The following SMCR8 variants were observed in gnomAD, a reference collection of about 807,000 sequenced individuals.
The protein encoded by SMCR8 is SMCR8-C9orf72 complex subunit, also known as guanine nucleotide exchange protein SMCR8.
In SMCR8, 30 loss-of-function variants were observed where a neutral mutation model predicts 56.6. The observed-to-expected ratio is 0.53, with a 90% CI of 0.40 to 0.72. The LOEUF is 0.72. SMCR8 is among the 30% of genes least tolerant of loss of function. The probability of loss-of-function intolerance (pLI) is 0.00; values close to 1 mark genes in which losing one functional copy is unlikely to be tolerated. For synonymous variants in SMCR8, 538 were observed against 456.0 expected (o/e 1.18, Z -2.29); for missense variants, 1,198 against 1,157.0 (o/e 1.04, Z -0.51).
Position 18,315,922 on chromosome 17 carries a change from T to C in SMCR8, c.133T>C (p.Trp45Arg). 6.2e-7 allele frequency: 1 copy of C among 1,614,210 alleles called. No homozygotes were observed. The part of the protein sequence containing the change: ...FPFASQGANP[W>R]SKLSGAKFSR... ...CTTCGCCAGTCAGGGTGCTAACCCC[T>C]GGTCAAAACTGTCCGGGGCCAAGTT... The change falls in exon 1 of 2, where the codon TGG becomes CGG. Residue 45 changes from tryptophan to arginine, a missense_variant. Trp to Arg is a moderately radical substitution (Grantham distance 101, BLOSUM62 -3). Coordinates refer to ENST00000406438, the MANE Select transcript of SMCR8 (RefSeq NM_144775.3).
rs1774448120 is a variant in SMCR8 at position 18,323,812 on chromosome 17, GT to G, written c.*743del. 1 of 152,642 alleles carries G rather than the reference GT, an allele frequency of 6.6e-6. No individual in the cohort carries two copies. Among genetic ancestry groups the G allele is most frequent in the African/African-American group, 2.4e-5 (1 of 41,484 alleles). 9.5% of individuals were successfully genotyped at this position (152,642 alleles called of 1,614,324 possible). A position where few individuals can be genotyped will look rare whatever the true frequency, so the allele number is the denominator to read the frequency against. On this transcript the variant is annotated 3_prime_UTR_variant, in exon 2 of 2. Coordinates refer to ENST00000406438, the MANE Select transcript of SMCR8 (RefSeq NM_144775.3). ...GAGCAGAGTGTTCACTAGTCCTAGTGTGAAGCGGGCACAAGTGACCAAAGCC... is the reference window on the plus strand; with the variant it reads ...GAGCAGAGTGTTCACTAGTCCTAGTGGAAGCGGGCACAAGTGACCAAAGCC...
rs1307597686 is a variant in SMCR8, at chr17:18,327,417, A to C, written c.*4347A>C. 6.6e-6 allele frequency: 1 copy of C among 152,238 alleles called. No individual in the cohort carries two copies. The highest frequency in any genetic ancestry group is 1.5e-5 in the Non-Finnish European group (1 of 68,058). The allele number at this position is 152,238 out of a possible 1,614,324, so 9.4% of individuals were successfully genotyped here. On this transcript the variant is annotated 3_prime_UTR_variant, in exon 2 of 2. Transcript: ENST00000406438. ...CCAGCTGGGGAGGGGTCAGGCCCCT[A>C]AATTGAAGACCACTTTGGTAGCAGA... is the stretch of plus-strand genomic sequence containing the variant.
Position 18,317,004 on chromosome 17 carries a change from A to G in SMCR8, c.1215A>G (p.Glu405=). 1 of 1,614,246 alleles carries G rather than the reference A, an allele frequency of 6.2e-7. No individual in the cohort carries two copies. The highest frequency in any genetic ancestry group is 8.5e-7 in the Non-Finnish European group (1 of 1,180,046). Residue 405 remains glutamate (E), a synonymous_variant, in exon 1 of 2, where the codon GAA becomes GAG. Coordinates refer to ENST00000406438, the MANE Select transcript of SMCR8 (RefSeq NM_144775.3). ...QDRPPSSSLE[E]CPIPKVLISV... is the part of the protein sequence containing the mutation. The stretch of plus-strand genomic sequence containing the variant: ...GGCCGCCTTCCAGTTCTCTAGAAGA[A>G]TGCCCAATTCCTAAAGTGTTAATTA...
intron 1 of SMCR8, 129 bp downstream of exon 1, chr17:18,318,278 G>A: frequency 1.1e-6 from 1 of 891,012 alleles, no homozygotes; most frequent in Non-Finnish European, 1.7e-6. Flanking sequence ...GTTACTTTTG[G>A]CAAGTCATCC....
In SMCR8 at chr17:18,323,787, G is replaced by A. The variant is rs16961153; in HGVS notation, c.*717G>A. On this transcript the variant is annotated 3_prime_UTR_variant, in exon 2 of 2. Transcript: ENST00000406438. ...CTCCCCATACTCTTTCACCAGGAAC[G>A]AGCAGAGTGTTCACTAGTCCTAGTG... is the stretch of plus-strand genomic sequence containing the variant. 0.22 allele frequency: 33,721 copies of A among 152,828 alleles called. 3,931 individuals are homozygous for A. Among genetic ancestry groups the A allele is most frequent in the East Asian group, 0.3 (1,570 of 5,184 alleles). The allele number at this position is 152,828 out of a possible 1,614,324, so 9.5% of individuals were successfully genotyped here. A position where few individuals can be genotyped will look rare whatever the true frequency, so the allele number is the denominator to read the frequency against.
intron 1 of SMCR8, among the ~76,000 whole-genome samples, chr17:18,320,353 A>G (rs1012547917): frequency 6.6e-5 from 10 of 152,216 alleles, no homozygotes; most frequent in Non-Finnish European, 1.3e-4. Flanking sequence ...TTATGGAAAC[A>G]GAAGTGGAGG....
rs1212856082 is a variant in SMCR8, at chr17:18,318,051, C to G, written c.2262C>G (p.Val754=). 2 of 1,614,122 alleles carry G rather than the reference C, an allele frequency of 1.2e-6. No homozygotes were observed. The highest frequency in any genetic ancestry group is 2.7e-5 in the African/African-American group (2 of 74,946). ...RKLVTALAIF[V]PSYGCYAKPV... is the part of the protein sequence containing the mutation. ...TCGTGACTGCACTGGCTATCTTTGTCCCCAGCTATGGCTGCTACGCTAAGC... is the reference window on the plus strand; with the variant it reads ...TCGTGACTGCACTGGCTATCTTTGTGCCCAGCTATGGCTGCTACGCTAAGC... Residue 754 remains valine (V), a synonymous_variant, in exon 1 of 2, where the codon GTC becomes GTG. Transcript: ENST00000406438.
Position 18,316,482 on chromosome 17 carries a change from G to A in SMCR8, c.693G>A (p.Glu231=). The stretch of plus-strand genomic sequence containing the variant: ...GCTTTTACTCATCTCAGGCAATTGA[G>A]AAAGCCAATGAACTGGCCAGTGTGG... ...DKGFYSSQAI[E]KANELASVEK... Residue 231 remains glutamate, a synonymous_variant, in exon 1 of 2, where the codon GAG becomes GAA. Transcript: ENST00000406438. The A allele has an allele frequency of 6.2e-7, 1 of 1,614,168 alleles. No homozygotes were observed. Among genetic ancestry groups the A allele is most frequent in the Non-Finnish European group, 8.5e-7 (1 of 1,180,034 alleles).
intron 1 of SMCR8, among the ~76,000 whole-genome samples, chr17:18,318,735 C>G (rs1034342897): frequency 6.6e-6 from 1 of 152,166 alleles, no homozygotes; most frequent in South Asian, 2.1e-4. Flanking sequence ...ATTCCTGAGT[C>G]ACAAGCCCTC....
chr17:18,317,108 A>G lies in SMCR8; in HGVS notation c.1319A>G (p.Glu440Gly), dbSNP rs1982333270. Reference sequence around the variant, plus strand: ...GAACTGGGAGATGAGGAGTACAAGGAAGTGGAAGTGACTGAGTTGAGCAGT... The same window carrying G: ...GAACTGGGAGATGAGGAGTACAAGGGAGTGGAAGTGACTGAGTTGAGCAGT... The part of the protein sequence containing the change: ...EQELGDEEYK[E>G]VEVTELSSFD... The change falls in exon 1 of 2, where the codon GAA (glutamate) becomes GGA (glycine). Residue 440 changes from glutamate to glycine, a missense_variant. By Grantham distance (98) the Glu-to-Gly change is moderately conservative (BLOSUM62 -2). Transcript: ENST00000406438. The G allele has an allele frequency of 6.2e-7, 1 of 1,614,210 alleles. No homozygotes were observed. The highest frequency in any genetic ancestry group is 8.5e-7 in the Non-Finnish European group (1 of 1,180,042).
At chr17:18,319,986 C>T (rs1982449863) in intron 1 of SMCR8, among the ~76,000 whole-genome samples, 1 of 152,212 alleles carries the variant, frequency 6.6e-6, no homozygotes, top group Admixed American at 6.5e-5. Flanking sequence ...GGATTATAGG[C>T]GTGAGCCCGG....
Position 18,316,261 on chromosome 17 carries a change from A to G in SMCR8, c.472A>G (p.Ile158Val), listed in dbSNP as rs765589536. 2 of 1,613,930 alleles carry G rather than the reference A, an allele frequency of 1.2e-6. No homozygotes were observed. The highest frequency in any genetic ancestry group is 1.7e-5 in the Admixed American group (1 of 60,034). Reference sequence around the variant, plus strand: ...CGTGAGGCCGTTTTGCATGGCTTATATCTCTGCAGACCAGCATAAAATCAT... The same window carrying G: ...CGTGAGGCCGTTTTGCATGGCTTATGTCTCTGCAGACCAGCATAAAATCAT... ...GFVRPFCMAY[I>V]SADQHKIMQQ... The change falls in exon 1 of 2, where the codon ATC becomes GTC. Residue 158 changes from isoleucine (I) to valine (V), a missense_variant. By Grantham distance (29) the Ile-to-Val change is conservative. Coordinates refer to ENST00000406438, the MANE Select transcript of SMCR8 (RefSeq NM_144775.3).
At chr17:18,320,108 C>T (rs751810844) in intron 1 of SMCR8, among the ~76,000 whole-genome samples, 5 of 152,220 alleles carry the variant, frequency 3.3e-5, no homozygotes, top group African/African-American at 4.8e-5. Flanking sequence ...AAGTGCTAGC[C>T]TAGCGTGTGT....
At chr17:18,318,254 G>A (rs896796970) in intron 1 of SMCR8, 105 bp downstream of exon 1, 143 of 1,097,844 alleles carry the variant, frequency 1.3e-4, no homozygotes, top group Middle Eastern at 5.9e-4. Context: ...ACAGGGCCCA[G>A]TTCCTACCAC....
rs766781276 is a variant in SMCR8 at position 18,317,727 on chromosome 17, G to T, written c.1938G>T (p.Gly646=). ...NPSSRDNSCE[G]FPAYELDPSH... ...CTTCCCGAGACAACAGTTGTGAAGG[G>T]TTTCCCGCTTATGAGCTGGACCCGA... The change falls in exon 1 of 2, where the codon GGG becomes GGT. Residue 646 remains glycine (G), a synonymous_variant. Coordinates refer to ENST00000406438, the MANE Select transcript of SMCR8 (RefSeq NM_144775.3). 3 of 1,614,138 alleles carry T rather than the reference G, an allele frequency of 1.9e-6. No individual in the cohort carries two copies. Among genetic ancestry groups the T allele is most frequent in the Admixed American group, 1.7e-5 (1 of 60,020 alleles).
Position 18,323,190 on chromosome 17 carries a change from G to T in SMCR8, c.*120G>T. ...TAAGTTTCTGGTGTCTGGCAGCATG[G>T]TTCCCACGTGGCTCCTAGTAGTTTT... On this transcript the variant is annotated 3_prime_UTR_variant, in exon 2 of 2. Coordinates refer to ENST00000406438, the MANE Select transcript of SMCR8 (RefSeq NM_144775.3). 2.3e-6 allele frequency: 2 copies of T among 866,400 alleles called. No homozygotes were observed. Among genetic ancestry groups the T allele is most frequent in the Non-Finnish European group, 3.5e-6 (2 of 566,174 alleles). 53.7% of individuals were successfully genotyped at this position (866,400 alleles called of 1,614,324 possible). A position where few individuals can be genotyped will look rare whatever the true frequency, so the allele number is the denominator to read the frequency against.
intron 1 of SMCR8, among the ~76,000 whole-genome samples, chr17:18,322,233 G>C (rs1186403245): frequency 1.3e-5 from 2 of 152,116 alleles, no homozygotes; most frequent in Admixed American, 1.3e-4. Context: ...GGATGGTCTC[G>C]ATCTCCTGAC....
rs1173648244 is a variant in SMCR8 at position 18,322,713 on chromosome 17, C to T, written c.2457C>T (p.Cys819=). ...ILDLDNKTLR[C]PLYRGTLVPR... ...ACCTTGACAACAAAACCCTGCGCTG[C>T]CCCCTTTACAGAGGCACCCTGGTGC... is the stretch of plus-strand genomic sequence containing the variant. Residue 819 remains cysteine (C), a synonymous_variant, in exon 2 of 2, where the codon TGC becomes TGT. Transcript: ENST00000406438. The T allele has an allele frequency of 1.1e-5, 17 of 1,614,244 alleles. No individual in the cohort carries two copies. The highest frequency in any genetic ancestry group is 3.3e-5 in the Admixed American group (2 of 60,034).
Position 18,316,831 on chromosome 17 carries a change from G to A in SMCR8, c.1042G>A (p.Asp348Asn). 1 of 1,614,186 alleles carries A rather than the reference G, an allele frequency of 6.2e-7. No individual in the cohort carries two copies. Among genetic ancestry groups the A allele is most frequent in the South Asian group, 1.1e-5 (1 of 91,074 alleles). The change falls in exon 1 of 2, where the codon GAC becomes AAC. Residue 348 changes from aspartate (D) to asparagine (N), a missense_variant. Asp to Asn is a conservative substitution (Grantham distance 23). Transcript: ENST00000406438. Reference protein sequence around the residue: ...LSHIEHMFRGDLCYLLTSQID... With the variant: ...LSHIEHMFRGNLCYLLTSQID... ...CCACATTGAACACATGTTCAGAGGA[G>A]ACCTGTGTTACCTCCTGACCAGTCA...
Sources: allele counts gnomAD v4.1 joint callset (sites outside exome capture counted in the v4.1 genomes callset), GRCh38; gene constraint gnomAD v4.1.1; transcripts MANE v1.5; gene names NCBI Gene and HGNC (gene_info 2026-07-23, HGNC 2026-07-21).